PDE1C: variants seen among roughly 807,000 people sequenced by gnomAD.
PDE1C encodes dual specificity calcium/calmodulin-dependent 3',5'-cyclic nucleotide phosphodiesterase 1C.
A neutral mutation model predicts 93.1 loss-of-function variants in PDE1C; 62 were observed. The observed-to-expected ratio is 0.67, with a 90% CI of 0.54 to 0.82. PDE1C has a LOEUF of 0.82. PDE1C is among the 40% of genes least tolerant of loss of function. PDE1C has a pLI of 0.00. For missense variants in PDE1C, 742 were observed against 884.6 expected (o/e 0.84, Z 2.04); for synonymous variants, 325 against 310.1 (o/e 1.05, Z -0.50).
chr7:31,916,189 G>A (rs1313675635), intron 2 of PDE1C, among the ~76,000 whole-genome samples: 1 of 152,032 alleles, frequency 6.6e-6, no homozygotes, highest in Non-Finnish European at 1.5e-5. Context: ...ACTGAACCTT[G>A]TTATATTATT....
chr7:32,185,247 GAAAA>G (rs60570476), intron 2 of PDE1C, among the ~76,000 whole-genome samples: 1,998 of 101,554 alleles, frequency 0.02, 31 homozygotes, highest in African/African-American at 0.063. Flanking sequence ...CTCTGTCTCA[GAAAA>G]AAAAAAAAAA....
chr7:31,707,482 T>C, the PDE1C span: 1 of 540,862 alleles, frequency 1.8e-6, no homozygotes, highest in Non-Finnish European at 3.2e-6. Context: ...ATGGTTTCTA[T>C]TCTGTGTTTT....
At chr7:32,156,309 T>C (rs1801573621) in intron 3 of PDE1C, among the ~76,000 whole-genome samples, 1 of 152,050 alleles carries the variant, frequency 6.6e-6, no homozygotes. Flanking sequence ...CAGGCCCCAA[T>C]GTGTGTTGCT....
intron 2 of PDE1C, among the ~76,000 whole-genome samples, chr7:32,196,985 A>G (rs776626137): frequency 1.3e-5 from 2 of 152,140 alleles, no homozygotes; most frequent in Non-Finnish European, 2.9e-5. Context: ...ATGAGGAGAA[A>G]TTATGAGTCC....
chr7:31,616,828 C>T, the PDE1C span, among the ~76,000 whole-genome samples: 1 of 151,890 alleles, frequency 6.6e-6, no homozygotes, highest in East Asian at 1.9e-4. Context: ...GATTGTGATT[C>T]AAACAATTAT....
At chr7:32,300,593 C>T (rs1325025714), upstream of PDE1C, among the ~76,000 whole-genome samples, 1 of 152,146 alleles carries the variant, frequency 6.6e-6, no homozygotes, top group African/African-American at 2.4e-5. Context: ...TACTTTCCTC[C>T]TCTGACAATA....
chr7:32,339,125 A>AT (rs1005301634), intron 1 of PDE1C, among the ~76,000 whole-genome samples: 5 of 152,140 alleles, frequency 3.3e-5, no homozygotes, highest in African/African-American at 1.2e-4. Flanking sequence ...AAAGAAGGAA[A>AT]TTCTGACATA....
chr7:31,804,931 C>T lies in PDE1C; in HGVS notation c.1891+4100G>A, dbSNP rs112856886. ...AGTGATATGGTTGGCTGTGTCCCCA[C>T]CCAAATCTCATCTTGAATCATAGAT... On this transcript the variant is annotated intron_variant, in intron 16 of 17. Coordinates refer to ENST00000396191, the MANE Select transcript of PDE1C (RefSeq NM_001191057.4). Among the ~76,000 whole-genome samples, 499 of 151,880 alleles carry T rather than the reference C, an allele frequency of 3.3e-3. 6 individuals carry two copies. Among genetic ancestry groups the T allele is most frequent in the Middle Eastern group, 0.014 (4 of 294 alleles).
intron 1 of PDE1C, among the ~76,000 whole-genome samples, chr7:32,285,345 T>C (rs1811930765): frequency 6.6e-6 from 1 of 152,068 alleles, no homozygotes; most frequent in African/African-American, 2.4e-5. Context: ...ACAATCCCAC[T>C]CCTAGGAACC....
intron 3 of PDE1C, among the ~76,000 whole-genome samples, chr7:32,089,180 A>C (rs1434227386): frequency 1.3e-5 from 2 of 152,242 alleles, no homozygotes; most frequent in Non-Finnish European, 2.9e-5. Flanking sequence ...CACATGCAGT[A>C]GTAGTAATAG....
intron 1 of PDE1C, among the ~76,000 whole-genome samples, chr7:32,297,992 TCTCTC>T (rs1562660094): frequency 4.7e-5 from 2 of 42,606 alleles, no homozygotes; most frequent in Admixed American, 2.1e-4. Flanking sequence ...TCTCTCTCTC[TCTCTC>T]CTCTCTCTCT....
intron 2 of PDE1C, among the ~76,000 whole-genome samples, chr7:31,901,645 T>C (rs539897488): frequency 1.2e-4 from 18 of 151,320 alleles, no homozygotes; most frequent in African/African-American, 3.6e-4. Flanking sequence ...CTTTTAAACA[T>C]AGCCAAGTAA....
At chr7:31,845,629 C>A (rs1792469605) in intron 9 of PDE1C, among the ~76,000 whole-genome samples, 1 of 151,886 alleles carries the variant, frequency 6.6e-6, no homozygotes, top group African/African-American at 2.4e-5. Context: ...TATAAACCTG[C>A]ACTTTCTGCA....
At chr7:32,278,392 G>A (rs1811425001) in intron 1 of PDE1C, among the ~76,000 whole-genome samples, 1 of 151,912 alleles carries the variant, frequency 6.6e-6, no homozygotes, top group Non-Finnish European at 1.5e-5. Flanking sequence ...AGAATAAATG[G>A]AAAAAAAGTA....
intron 16 of PDE1C, among the ~76,000 whole-genome samples, chr7:31,793,863 G>A (rs1180113674): frequency 6.6e-6 from 1 of 151,512 alleles, no homozygotes; most frequent in Non-Finnish European, 1.5e-5. Context: ...TATTATAATA[G>A]GATTATATTT....
chr7:31,678,836 A>C, the PDE1C span, among the ~76,000 whole-genome samples: 274 of 152,292 alleles, frequency 1.8e-3, 2 homozygotes, highest in African/African-American at 6.3e-3. Flanking sequence ...GGGAGGAAAT[A>C]GTTCAGGGCG....
At chr7:31,790,835 G>C (rs1433250828) in intron 16 of PDE1C, among the ~76,000 whole-genome samples, 1 of 152,020 alleles carries the variant, frequency 6.6e-6, no homozygotes, top group Non-Finnish European at 1.5e-5. Context: ...AAAGGACTAG[G>C]TTAATGACAA....
the PDE1C span, among the ~76,000 whole-genome samples, chr7:31,679,811 G>A: frequency 6.6e-6 from 1 of 152,178 alleles, no homozygotes; most frequent in Non-Finnish European, 1.5e-5. Context: ...TTGAGGTAAT[G>A]TTTGACAGGC....
chr7:32,424,342 T>C (rs1371850559), intron 1 of PDE1C, among the ~76,000 whole-genome samples: 3 of 152,202 alleles, frequency 2.0e-5, no homozygotes, highest in Non-Finnish European at 4.4e-5. Context: ...CCATTCAAGT[T>C]CCCTGGCTTT....
Sources: gnomAD v4.1 joint callset for allele counts (sites outside exome capture counted in the v4.1 genomes callset) on GRCh38, gnomAD v4.1.1 for gene constraint, MANE v1.5 for transcripts, NCBI Gene and HGNC (gene_info 2026-07-23, HGNC 2026-07-21) for gene names.